Variants in TSPAN32 observed in about 807,000 individuals in gnomAD.
The protein encoded by TSPAN32 is tetraspanin 32, also known as tetraspanin-32.
TSPAN32 carries 47 observed loss-of-function variants against 42.7 expected under a neutral mutation model. That is an observed-to-expected ratio of 1.10 (90% CI 0.87 to 1.40). The LOEUF (loss-of-function observed/expected upper bound fraction) is 1.40, where lower values mean the gene tolerates loss of function less well. TSPAN32 is among the 40% of genes most tolerant of loss of function. The pLI, the probability that TSPAN32 is intolerant of heterozygous loss-of-function variation, is 0.00. For synonymous variants in TSPAN32, 175 were observed against 175.9 expected, an observed-to-expected ratio of 0.99 and a Z score of 0.04; for missense variants, 469 against 424.1, an observed-to-expected ratio of 1.11 and a Z score of -0.93.
In TSPAN32 at chr11:2,315,413, C is replaced by A. The variant is rs1033162839; in HGVS notation, c.544-816C>A. On this transcript the variant is annotated intron_variant, in intron 6 of 9. Coordinates refer to ENST00000182290, the MANE Select transcript of TSPAN32 (RefSeq NM_139022.3). The stretch of plus-strand genomic sequence containing the variant: ...TTGGGGGCAGGGCTAACAGTCAGGA[C>A]CCCTGTGCCACCCAAGGAGAGACTG... The A allele has an allele frequency of 1.5e-5, 17 of 1,139,758 alleles. No individual in the cohort carries two copies. In the Admixed American group the frequency reaches 3.7e-4, roughly 25 times the overall value. 70.6% of individuals were successfully genotyped at this position (1,139,758 alleles called of 1,614,324 possible). A position where few individuals can be genotyped will look rare whatever the true frequency, so the allele number is the denominator to read the frequency against.
intron 4 of TSPAN32, chr11:2,309,367 G>A (rs777632536): frequency 8.5e-6 from 4 of 470,024 alleles, no homozygotes; most frequent in South Asian, 3.1e-5. Context: ...AGGAGGGTCC[G>A]GCCTAGCTGA....
chr11:2,316,364 GC>G, intron 7 of TSPAN32, 52 bp downstream of exon 7: 1 of 1,557,318 alleles, frequency 6.4e-7, no homozygotes, highest in Non-Finnish European at 8.6e-7. Context: ...CCCTCAGCCT[GC>G]CCAGCCCCCG....
Position 2,307,635 on chromosome 11 carries a change from AG to A in TSPAN32, c.280-1097del, listed in dbSNP as rs550519022. On this transcript the variant is annotated intron_variant, in intron 3 of 9. Coordinates refer to ENST00000182290, the MANE Select transcript of TSPAN32 (RefSeq NM_139022.3). ...GGGGGCATCTGTATGCTCTCAGAGG[AG>A]GGGTCTCTCGTGTTCCTTAGCTTCC... Among the ~76,000 whole-genome samples, 4 of 152,268 alleles carry A rather than the reference AG, an allele frequency of 2.6e-5. No homozygotes were observed. The South Asian group carries it at 8.3e-4, about 32-fold the overall frequency.
chr11:2,314,620 A>G, intron 6 of TSPAN32, 49 bp downstream of exon 6: 1 of 1,494,686 alleles, frequency 6.7e-7, no homozygotes, highest in Non-Finnish European at 9.2e-7. Flanking sequence ...CGGGGGCTGG[A>G]CACCCTGGGG....
At chr11:2,303,928 C>T (rs1484625523) in intron 2 of TSPAN32, among the ~76,000 whole-genome samples, 179 bp from the exon 3 acceptor site, 4 of 152,242 alleles carry the variant, frequency 2.6e-5, no homozygotes, top group African/African-American at 4.8e-5. Context: ...CCAGGCTGAA[C>T]GAGTCCCACC....
At chr11:2,316,159 C>T (rs1340107016) in intron 6 of TSPAN32, 70 bp from the exon 7 acceptor site, 6 of 1,513,576 alleles carry the variant, frequency 4.0e-6, no homozygotes, top group Non-Finnish European at 5.3e-6. Flanking sequence ...CTCCATGGCC[C>T]CACAGAGGCC....
intron 4 of TSPAN32, among the ~76,000 whole-genome samples, chr11:2,310,495 T>C (rs1248640366): frequency 1.3e-5 from 2 of 152,210 alleles, no homozygotes; most frequent in African/African-American, 4.8e-5. Flanking sequence ...GGCAGGGGAC[T>C]GGGGCTTCCT....
intron 2 of TSPAN32, 36 bp downstream of exon 2, chr11:2,302,994 G>A (rs1378459507): frequency 6.3e-7 from 1 of 1,576,252 alleles, no homozygotes; most frequent in Non-Finnish European, 8.7e-7. Context: ...ATCGGGAGGG[G>A]CCTCGGGTGC....
rs1163962333 is a variant in TSPAN32, at chr11:2,317,401, C to T, written c.777C>T (p.Pro259=). ...PSLLRCSQGG[P]THCLHSEAVA... ...TCTTGAGATGCTCCCAGGGTGGACC[C>T]ACACATTGTCTCCACTCCGAAGCAG... is the stretch of plus-strand genomic sequence containing the variant. The change falls in exon 9 of 10, where the codon CCC becomes CCT. Residue 259 remains proline (P), a synonymous_variant. Transcript: ENST00000182290. This position sits in a 1 kb window ranked among gnomAD's most constrained non-coding sequence, Gnocchi z 6.2. 6.2e-7 allele frequency: 1 copy of T among 1,600,560 alleles called. No individual in the cohort carries two copies. The highest frequency in any genetic ancestry group is 2.3e-5 in the East Asian group (1 of 44,270).
rs1847950560 is a variant in TSPAN32, at chr11:2,304,437, C to A, written c.279+233C>A. Among the ~76,000 whole-genome samples, 1 of 151,940 alleles carries A rather than the reference C, an allele frequency of 6.6e-6. No individual in the cohort carries two copies. Among genetic ancestry groups the A allele is most frequent in the South Asian group, 2.1e-4 (1 of 4,826 alleles). ...AGACCCCCTACCTGGGTAGCCAAGG[C>A]CCCTCCACCAGGCCCTACCTCACCC... On this transcript the variant is annotated intron_variant, in intron 3 of 9. Transcript: ENST00000182290. This position sits in a 1 kb window ranked among gnomAD's most constrained non-coding sequence, Gnocchi z 4.8.
intron 2 of TSPAN32, among the ~76,000 whole-genome samples, chr11:2,303,878 T>G (rs2521270): frequency 0.86 from 130,559 of 152,184 alleles, 57,093 homozygotes; most frequent in African/African-American, 0.95. Context: ...CCCACAGGCA[T>G]GGAGGGCAGG....
chr11:2,315,283 A>G, intron 6 of TSPAN32: 1 of 1,182,734 alleles, frequency 8.5e-7, no homozygotes, highest in South Asian at 1.6e-5. Flanking sequence ...AACAGAGGGG[A>G]GGAGAGCAAA....
Position 2,317,587 on chromosome 11 carries a change from G to A in TSPAN32, c.901+62G>A, listed in dbSNP as rs1486782107. 2 of 1,518,634 alleles carry A rather than the reference G, an allele frequency of 1.3e-6. No individual in the cohort carries two copies. Among genetic ancestry groups the A allele is most frequent in the African/African-American group, 1.4e-5 (1 of 72,526 alleles). 94.1% of individuals were successfully genotyped at this position (1,518,634 alleles called of 1,614,324 possible). On this transcript the variant is annotated intron_variant, in intron 9 of 9. Transcript: ENST00000182290. The surrounding 1 kb of genome is among the most constrained non-coding windows in gnomAD (Gnocchi z 6.2). ...CTGAGGGGAGGGTCCGAGCTGTGAG[G>A]AGGGAAGGGAGTGAAGGCCCAGCCA... is the stretch of plus-strand genomic sequence containing the variant.
chr11:2,316,716 C>T lies in TSPAN32; in HGVS notation c.719+49C>T. 8.7e-6 allele frequency: 13 copies of T among 1,499,710 alleles called. No homozygotes were observed. In the East Asian group the frequency reaches 9.2e-5, roughly 11 times the overall value. The allele number at this position is 1,499,710 out of a possible 1,614,324, so 92.9% of individuals were successfully genotyped here. On this transcript the variant is annotated intron_variant, in intron 8 of 9. Coordinates refer to ENST00000182290, the MANE Select transcript of TSPAN32 (RefSeq NM_139022.3). ...CACCCTCTGGAAGGGTCCTCCAGCT[C>T]TGCTCGAGAGGCATCTGCTCTGCCA...
intron 4 of TSPAN32, chr11:2,309,298 C>T (rs1214383373): frequency 2.2e-6 from 1 of 461,224 alleles, no homozygotes; most frequent in Admixed American, 2.4e-5. Context: ...GGTGTCGCAG[C>T]CTCCACCCCC....
At chr11:2,315,742 G>T (rs2133379121) in intron 6 of TSPAN32, 2 of 1,236,688 alleles carry the variant, frequency 1.6e-6, no homozygotes, top group East Asian at 1.1e-4. Context: ...TGGGTGCCAT[G>T]CCCTGGGGTG....
intron 6 of TSPAN32, chr11:2,315,506 G>A (rs1564966719): frequency 1.7e-6 from 2 of 1,158,770 alleles, no homozygotes; most frequent in Non-Finnish European, 2.2e-6. Flanking sequence ...GCAGGGCCAT[G>A]GGCCCGACTG....
intron 4 of TSPAN32, among the ~76,000 whole-genome samples, chr11:2,311,595 G>C (rs1180946745): frequency 6.6e-6 from 1 of 152,122 alleles, no homozygotes; most frequent in East Asian, 1.9e-4. Flanking sequence ...TGTGGGGCTG[G>C]TCCACAGGCC....
chr11:2,310,373 A>G (rs964782655), intron 4 of TSPAN32, among the ~76,000 whole-genome samples: 16 of 152,184 alleles, frequency 1.1e-4, no homozygotes, highest in African/African-American at 3.6e-4. Context: ...AGCCGGGCTC[A>G]CCTATGGCCT....
Sources: gnomAD v4.1 joint callset for allele counts (sites outside exome capture counted in the v4.1 genomes callset) on GRCh38, gnomAD v4.1.1 for gene constraint, Gnocchi (gnomAD v3.1) non-coding constraint, MANE v1.5 for transcripts, NCBI Gene and HGNC (gene_info 2026-07-23, HGNC 2026-07-21) for gene names.